Variants in NTRK2 observed in about 807,000 individuals in gnomAD.
The protein encoded by NTRK2 is neurotrophic receptor tyrosine kinase 2, also known as BDNF/NT-3 growth factors receptor.
NTRK2 carries 13 observed loss-of-function variants against 94.5 expected under a neutral mutation model. The observed-to-expected ratio is 0.14, with a 90% CI of 0.09 to 0.22. The LOEUF (loss-of-function observed/expected upper bound fraction) is 0.22. Among genes scored for constraint, NTRK2 ranks in the 10% least tolerant of loss-of-function variants. NTRK2 has a pLI of 1.00. For missense variants in NTRK2, 639 were observed against 1,071.2 expected (o/e 0.60, Z 5.63); for synonymous variants, 372 against 407.4 (o/e 0.91, Z 1.05).
intron 12 of NTRK2, among the ~76,000 whole-genome samples, chr9:84,792,114 G>A (rs34964562): frequency 6.6e-6 from 1 of 152,144 alleles, no homozygotes; most frequent in African/African-American, 2.4e-5. Flanking sequence ...AACTACAGCA[G>A]CAATTCCACT....
chr9:84,790,470 G>C (rs1042480074), intron 12 of NTRK2, among the ~76,000 whole-genome samples: 1 of 152,186 alleles, frequency 6.6e-6, no homozygotes, highest in African/African-American at 2.4e-5. Flanking sequence ...GGTGAGGGAC[G>C]AGGTTGCTGA....
At chr9:84,876,602 T>G in intron 14 of NTRK2, 1 of 1,057,752 alleles carries the variant, frequency 9.5e-7, no homozygotes, top group Non-Finnish European at 1.1e-6. Context: ...TCTATCTTGG[T>G]TTTACTTCCA....
At chr9:84,931,399 T>G (rs760497552) in intron 14 of NTRK2, among the ~76,000 whole-genome samples, 20 of 143,326 alleles carry the variant, frequency 1.4e-4, no homozygotes, top group Admixed American at 3.5e-4. Context: ...AGAGCGAGAC[T>G]CTGTCTCAAA....
intron 14 of NTRK2, among the ~76,000 whole-genome samples, chr9:84,901,604 A>G (rs577254319): frequency 6.6e-6 from 1 of 152,324 alleles, no homozygotes; most frequent in South Asian, 2.1e-4. Context: ...TAATACTTAT[A>G]CAAGAAACCT....
chr9:84,835,017 C>T (rs148918445), intron 12 of NTRK2, among the ~76,000 whole-genome samples: 63 of 152,230 alleles, frequency 4.1e-4, no homozygotes, highest in African/African-American at 1.5e-3. Context: ...TGGCCTTAGT[C>T]TTCTCTCTTG....
chr9:84,797,552 T>A (rs866173599), intron 12 of NTRK2, among the ~76,000 whole-genome samples: 5 of 61,116 alleles, frequency 8.2e-5, no homozygotes, highest in East Asian at 7.3e-4. Flanking sequence ...AATATATATA[T>A]TATATATACT....
rs200156336 is a variant in NTRK2, at chr9:85,021,755, A to G, written c.*318A>G. 302 of 433,856 alleles carry G rather than the reference A, an allele frequency of 7.0e-4. 1 individual carries two copies. In the East Asian group the frequency reaches 9.8e-3, roughly 14 times the overall value. The allele number at this position is 433,856 out of a possible 1,614,324, so 26.9% of individuals were successfully genotyped here. A position where few individuals can be genotyped will look rare whatever the true frequency, so the allele number is the denominator to read the frequency against. Reference sequence around the variant, plus strand: ...GATTCTTACCCTTTCTTTTGAATCAATCTGGCTTCTGCATTACTATTAACT... The same window carrying G: ...GATTCTTACCCTTTCTTTTGAATCAGTCTGGCTTCTGCATTACTATTAACT... On this transcript the variant is annotated 3_prime_UTR_variant, in exon 19 of 19. Coordinates refer to ENST00000277120, the MANE Select transcript of NTRK2 (RefSeq NM_006180.6).
At position 85,008,710 on chromosome 9, in the gene NTRK2, T is replaced by C. The variant is rs572801520; in HGVS notation, c.2173-11496T>C. Reference sequence around the variant, plus strand: ...AATCACAAGAAGCCTGGGTCTTCACTGTAGTTCAGTGTATCATACAACTCC... The same window carrying C: ...AATCACAAGAAGCCTGGGTCTTCACCGTAGTTCAGTGTATCATACAACTCC... On this transcript the variant is annotated intron_variant, in intron 17 of 18. Transcript: ENST00000277120. Among the ~76,000 whole-genome samples the C allele has an allele frequency of 6.1e-4, 93 of 152,330 alleles. 2 individuals carry two copies. Among genetic ancestry groups the C allele is most frequent in the Admixed American group, 7.2e-4 (11 of 15,302 alleles).
chr9:84,812,932 C>G (rs927068288), intron 12 of NTRK2: 1 of 1,032,702 alleles, frequency 9.7e-7, no homozygotes, highest in African/African-American at 1.7e-5. Context: ...AAAATTATTT[C>G]ATATAGTTCT....
chr9:84,940,736 A>C (rs763127845), intron 15 of NTRK2, among the ~76,000 whole-genome samples: 2 of 112,046 alleles, frequency 1.8e-5, no homozygotes, highest in Non-Finnish European at 3.6e-5. Context: ...GGAACAGTTT[A>C]AAAAAAAAAA....
At chr9:84,811,966 G>A (rs1449713438) in intron 12 of NTRK2, 1 of 1,012,870 alleles carries the variant, frequency 9.9e-7, no homozygotes, top group East Asian at 6.5e-5. Context: ...AGCCAGGCCT[G>A]CAGCATTTTG....
chr9:84,908,435 A>C lies in NTRK2; in HGVS notation c.1634-25727A>C, dbSNP rs571739622. Among the ~76,000 whole-genome samples the C allele has an allele frequency of 1.4e-4, 21 of 152,334 alleles. 1 individual carries two copies. In the South Asian group the frequency reaches 4.1e-3, roughly 30 times the overall value. On this transcript the variant is annotated intron_variant, in intron 14 of 18. Transcript: ENST00000277120. ...CAAAGAAAGAAAAAACGAAAATAAT[A>C]AACAGAACACTAGTTAAAAATAAAA...
At chr9:84,985,583 A>G (rs558899303) in intron 17 of NTRK2, among the ~76,000 whole-genome samples, 1 of 152,224 alleles carries the variant, frequency 6.6e-6, no homozygotes, top group Non-Finnish European at 1.5e-5. Context: ...CTTTGTGCTC[A>G]TTGTTGGTAT....
chr9:84,915,527 T>A (rs181914705), intron 14 of NTRK2, among the ~76,000 whole-genome samples: 18 of 152,286 alleles, frequency 1.2e-4, no homozygotes, highest in African/African-American at 4.3e-4. Flanking sequence ...CCCTTTCCCA[T>A]GAGTGGAAGC....
intron 12 of NTRK2, among the ~76,000 whole-genome samples, chr9:84,780,804 T>C (rs1478327281): frequency 6.6e-6 from 1 of 152,194 alleles, no homozygotes; most frequent in Non-Finnish European, 1.5e-5. Flanking sequence ...TAGATGGTTA[T>C]ACATGGAAAC....
In NTRK2 at chr9:85,021,295, G is replaced by T. The variant is rs957713208; in HGVS notation, c.2375G>T (p.Arg792Leu). Residue 792 changes from arginine (R) to leucine (L), a missense_variant, in exon 19 of 19, where the codon CGC becomes CTC. Physicochemically the swap from Arg to Leu is moderately radical, Grantham distance 102 (BLOSUM62 -2). This residue lies in a region of NTRK2 where 77 missense variants were observed against 203.6 expected (regional missense o/e 0.38). Transcript: ENST00000277120. The part of the protein sequence containing the change: ...ITQGRVLQRP[R>L]TCPQEVYELM... ...CAGGGCCGAGTCCTGCAGCGACCCC[G>T]CACGTGCCCCCAGGAGGTGTATGAG... 1 of 1,613,936 alleles carries T rather than the reference G, an allele frequency of 6.2e-7. No individual in the cohort carries two copies. The highest frequency in any genetic ancestry group is 1.3e-5 in the African/African-American group (1 of 74,902).
intron 17 of NTRK2, among the ~76,000 whole-genome samples, chr9:84,958,578 G>A (rs568344166): frequency 1.3e-5 from 2 of 152,196 alleles, no homozygotes; most frequent in East Asian, 1.9e-4. Flanking sequence ...GCCACTACTC[G>A]GTTGCAGTTG....
chr9:85,004,075 AGG>A (rs1337678510), intron 17 of NTRK2, among the ~76,000 whole-genome samples: 5 of 55,770 alleles, frequency 9.0e-5, no homozygotes, highest in South Asian at 6.7e-4. Flanking sequence ...AGAGAGAGAG[AGG>A]AAGAGGGAGA....
intron 17 of NTRK2, among the ~76,000 whole-genome samples, chr9:85,002,865 T>C (rs1394402762): frequency 6.6e-6 from 1 of 152,090 alleles, no homozygotes; most frequent in African/African-American, 2.4e-5. Flanking sequence ...TGTCTAGGAA[T>C]GCATTTCTGG....
Sources: gnomAD v4.1 joint callset for allele counts (sites outside exome capture counted in the v4.1 genomes callset) on GRCh38, gnomAD v4.1.1 for gene constraint, gnomAD v4.1.1 regional missense constraint, MANE v1.5 for transcripts, NCBI Gene and HGNC (gene_info 2026-07-23, HGNC 2026-07-21) for gene names.